The following SCHIP1 variants were observed in gnomAD, a reference collection of about 807,000 sequenced individuals.
SCHIP1 encodes the protein schwannomin interacting protein 1.
In SCHIP1, 8 loss-of-function variants were observed where a neutral mutation model predicts 29.7. The observed-to-expected ratio is 0.27, with a 90% confidence interval of 0.16 to 0.49. The LOEUF (loss-of-function observed/expected upper bound fraction) is 0.49, where lower values mean the gene tolerates loss of function less well. Among genes scored for constraint, SCHIP1 ranks in the 20% least tolerant of loss-of-function variants. SCHIP1 has a pLI of 0.99. For synonymous variants in SCHIP1, 76 were observed against 94.9 expected (o/e 0.80, Z 1.16); for missense variants, 193 against 294.6 (o/e 0.66, Z 2.52).
At chr3:159,305,031 G>C in the SCHIP1 span, among the ~76,000 whole-genome samples, 1 of 151,842 alleles carries the variant, frequency 6.6e-6, no homozygotes, top group Non-Finnish European at 1.5e-5. Context: ...CTTTAAACCA[G>C]CTCTTAACTT....
intron 2 of SCHIP1, among the ~76,000 whole-genome samples, chr3:159,882,763 A>C (rs1032138869): frequency 6.6e-6 from 1 of 152,158 alleles, no homozygotes; most frequent in African/African-American, 2.4e-5. Flanking sequence ...TGCATATTTT[A>C]ATAGTATCCC....
the SCHIP1 span, among the ~76,000 whole-genome samples, chr3:159,444,038 C>T: frequency 1.3e-5 from 2 of 151,930 alleles, no homozygotes; most frequent in Non-Finnish European, 1.5e-5. Flanking sequence ...TAACTAACTG[C>T]AGACCCTGAG....
At chr3:159,878,964 C>CAT (rs1716167867) in intron 2 of SCHIP1, among the ~76,000 whole-genome samples, 1 of 149,820 alleles carries the variant, frequency 6.7e-6, no homozygotes, top group Non-Finnish European at 1.5e-5. Context: ...TTTTTCTATG[C>CAT]ATATATCTCC....
chr3:159,306,565 C>T, the SCHIP1 span: 17 of 907,366 alleles, frequency 1.9e-5, no homozygotes, highest in African/African-American at 1.3e-4. Flanking sequence ...TTATACTGAG[C>T]GCCTAAAAAT....
chr3:159,577,363 G>C, the SCHIP1 span, among the ~76,000 whole-genome samples: 19 of 152,262 alleles, frequency 1.2e-4, no homozygotes, highest in East Asian at 3.9e-4. Flanking sequence ...GTTTTAAATG[G>C]CATTAATTTT....
At chr3:159,815,476 A>G in the SCHIP1 span, among the ~76,000 whole-genome samples, 2 of 152,160 alleles carry the variant, frequency 1.3e-5, no homozygotes, top group Non-Finnish European at 1.5e-5. Flanking sequence ...CCTTGGGGGG[A>G]TGAAATGATA....
chr3:159,328,937 C>T, the SCHIP1 span, among the ~76,000 whole-genome samples: 1 of 152,128 alleles, frequency 6.6e-6, no homozygotes, highest in Non-Finnish European at 1.5e-5. Flanking sequence ...AGACTTATCT[C>T]CATCTCATAG....
At chr3:159,665,647 C>A in the SCHIP1 span, among the ~76,000 whole-genome samples, 1 of 151,786 alleles carries the variant, frequency 6.6e-6, no homozygotes, top group South Asian at 2.1e-4. Context: ...ATAGGGGAGC[C>A]CAGTAGGCAC....
At chr3:159,654,133 T>A in the SCHIP1 span, among the ~76,000 whole-genome samples, 1 of 152,180 alleles carries the variant, frequency 6.6e-6, no homozygotes, top group African/African-American at 2.4e-5. Context: ...GCAAATCGCA[T>A]AAAGATGTCA....
At chr3:159,604,791 A>G in the SCHIP1 span, among the ~76,000 whole-genome samples, 1 of 152,214 alleles carries the variant, frequency 6.6e-6, no homozygotes. Context: ...TTGGCATGAC[A>G]TGTATCTGAC....
the SCHIP1 span, among the ~76,000 whole-genome samples, chr3:159,432,335 TGTGTGA>T: frequency 8.7e-3 from 745 of 85,768 alleles, 7 homozygotes; most frequent in African/African-American, 0.024. Flanking sequence ...TGTGTGTGTG[TGTGTGA>T]GAGAGAGAGA....
the SCHIP1 span, among the ~76,000 whole-genome samples, chr3:159,795,718 A>G: frequency 3.3e-5 from 5 of 152,202 alleles, no homozygotes; most frequent in South Asian, 6.2e-4. Flanking sequence ...AAAAATAATT[A>G]GAAATTTGCC....
chr3:159,401,917 C>T, the SCHIP1 span, among the ~76,000 whole-genome samples: 1 of 152,092 alleles, frequency 6.6e-6, no homozygotes, highest in African/African-American at 2.4e-5. Context: ...GCAATGGCAA[C>T]AAAAGCCAAA....
At chr3:159,433,079 G>A in the SCHIP1 span, among the ~76,000 whole-genome samples, 50 of 152,240 alleles carry the variant, frequency 3.3e-4, no homozygotes, top group East Asian at 9.1e-3. Flanking sequence ...TTCCTTCAGC[G>A]CACTTGGAAG....
At chr3:159,607,121 C>G in the SCHIP1 span, among the ~76,000 whole-genome samples, 2 of 152,182 alleles carry the variant, frequency 1.3e-5, no homozygotes, top group Non-Finnish European at 2.9e-5. Flanking sequence ...CTTATACTAC[C>G]ATTTTCTTTC....
chr3:159,844,865 C>T (rs756192104), intron 1 of SCHIP1, among the ~76,000 whole-genome samples: 5 of 152,178 alleles, frequency 3.3e-5, no homozygotes, highest in Non-Finnish European at 5.9e-5. Context: ...CCCTGACATT[C>T]TTAGCTACTG....
chr3:159,335,940 A>C, the SCHIP1 span, among the ~76,000 whole-genome samples: 1 of 152,220 alleles, frequency 6.6e-6, no homozygotes, highest in Non-Finnish European at 1.5e-5. Flanking sequence ...CAATGGTTGA[A>C]CTAGTTTACA....
At chr3:159,456,326 T>C in the SCHIP1 span, among the ~76,000 whole-genome samples, 1 of 152,184 alleles carries the variant, frequency 6.6e-6, no homozygotes, top group East Asian at 1.9e-4. Context: ...AATGATGGAA[T>C]AGTGGACTTC....
chr3:159,441,089 A>T, the SCHIP1 span, among the ~76,000 whole-genome samples: 1 of 152,144 alleles, frequency 6.6e-6, no homozygotes, highest in Admixed American at 6.6e-5. Flanking sequence ...CTTTCCCATT[A>T]TTAGTTTGCT....
Sources: allele counts gnomAD v4.1 joint callset (sites outside exome capture counted in the v4.1 genomes callset), GRCh38; gene constraint gnomAD v4.1.1; transcripts MANE v1.5; gene names NCBI Gene and HGNC (gene_info 2026-07-23, HGNC 2026-07-21).